The following CCDC33 variants were observed in gnomAD, a reference collection of about 807,000 sequenced individuals.
CCDC33 encodes coiled-coil domain-containing protein 33.
A neutral mutation model predicts 91.9 loss-of-function variants in CCDC33; 94 were observed. That is an observed-to-expected ratio of 1.02 (90% CI 0.87 to 1.21). CCDC33 has a LOEUF of 1.21. CCDC33 is among the 50% of genes most tolerant of loss of function. CCDC33 has a pLI of 0.00. For synonymous variants in CCDC33, 396 were observed against 374.5 expected (o/e 1.06, Z -0.66); for missense variants, 940 against 935.5 (o/e 1.00, Z -0.06).
intron 15 of CCDC33, among the ~76,000 whole-genome samples, 172 bp downstream of exon 15, chr15:74,331,468 C>T (rs545129873): frequency 2.0e-5 from 3 of 152,294 alleles, no homozygotes; most frequent in African/African-American, 2.4e-5. Flanking sequence ...CTCATTCAGG[C>T]GCCCCATCCA....
At position 74,332,856 on chromosome 15, in the gene CCDC33, C is replaced by T. The variant is rs189507122; in HGVS notation, c.1938+11C>T. ...CAACAGGCCCTGCCGGTAAGAGGCC[C>T]TTGACCTGGGCCTGCCTATGCCGGT... is the stretch of plus-strand genomic sequence containing the variant. On this transcript the variant is annotated intron_variant, in intron 16 of 18. Transcript: ENST00000398814. The T allele has an allele frequency of 5.4e-5, 87 of 1,612,860 alleles. No homozygotes were observed. Among genetic ancestry groups the T allele is most frequent in the East Asian group, 1.8e-4 (8 of 44,854 alleles).
At chr15:74,333,857 T>C (rs894349632) in intron 16 of CCDC33, 24 bp from the exon 17 acceptor site, 2 of 1,602,168 alleles carry the variant, frequency 1.2e-6, no homozygotes, top group Non-Finnish European at 1.7e-6. Flanking sequence ...TGGGGCCAAA[T>C]GTGAGTTTGT....
chr15:74,261,069 A>T (rs752013663), intron 2 of CCDC33, among the ~76,000 whole-genome samples: 1 of 152,194 alleles, frequency 6.6e-6, no homozygotes, highest in Non-Finnish European at 1.5e-5. Flanking sequence ...CACGGGGTAG[A>T]GCTGGGATTT....
intron 11 of CCDC33, among the ~76,000 whole-genome samples, chr15:74,297,157 G>A (rs1029590544): frequency 6.6e-6 from 1 of 152,238 alleles, no homozygotes; most frequent in South Asian, 2.1e-4. Context: ...CCACCCTGGA[G>A]CAGGGCCATC....
In CCDC33 at chr15:74,267,361, G is replaced by T. The variant is rs1002644646; in HGVS notation, c.429+574G>T. Among the ~76,000 whole-genome samples, 4 of 152,182 alleles carry T rather than the reference G, an allele frequency of 2.6e-5. 1 individual carries two copies. The highest frequency in any genetic ancestry group is 2.0e-4 in the Admixed American group (3 of 15,284). On this transcript the variant is annotated intron_variant, in intron 4 of 18. Coordinates refer to ENST00000398814, the MANE Select transcript of CCDC33 (RefSeq NM_025055.5). Reference sequence around the variant, plus strand: ...CCAGAAGGCCCAGGAGAGTTGGGGGGTACATGGAATAAAGCATTCCCTGGA... The same window carrying T: ...CCAGAAGGCCCAGGAGAGTTGGGGGTTACATGGAATAAAGCATTCCCTGGA...
intron 2 of CCDC33, among the ~76,000 whole-genome samples, chr15:74,254,541 C>G (rs1244741348): frequency 6.6e-6 from 1 of 152,146 alleles, no homozygotes; most frequent in Non-Finnish European, 1.5e-5. Context: ...CTCCCAATGG[C>G]TGTGCATCCT....
At chr15:74,233,475 T>G (rs1020028338), upstream of CCDC33, among the ~76,000 whole-genome samples, 1 of 152,160 alleles carries the variant, frequency 6.6e-6, no homozygotes, top group Non-Finnish European at 1.5e-5. Flanking sequence ...TGACCTCATA[T>G]AAGTTATGAG....
chr15:74,290,240 T>C (rs992364543), intron 10 of CCDC33, among the ~76,000 whole-genome samples: 8 of 151,350 alleles, frequency 5.3e-5, no homozygotes, highest in Non-Finnish European at 1.2e-4. Context: ...CACAATAGCA[T>C]GATCTCGGCT....
At chr15:74,233,238 G>A (rs142020477), upstream of CCDC33, among the ~76,000 whole-genome samples, 10 of 152,314 alleles carry the variant, frequency 6.6e-5, no homozygotes, top group African/African-American at 2.4e-4. Context: ...GAAACATGAG[G>A]CAGGGGCGTG....
At chr15:74,273,029 T>C (rs1566988645) in intron 7 of CCDC33, 138 bp downstream of exon 7, 1 of 1,179,044 alleles carries the variant, frequency 8.5e-7, no homozygotes, top group Non-Finnish European at 1.2e-6. Flanking sequence ...CCCAGTGCTG[T>C]GCTCGCCTGT....
intron 4 of CCDC33, among the ~76,000 whole-genome samples, chr15:74,267,817 A>C (rs553883413): frequency 6.6e-6 from 1 of 152,296 alleles, no homozygotes; most frequent in South Asian, 2.1e-4. Flanking sequence ...GGCATACAGT[A>C]GGTGCTCAGT....
chr15:74,245,022 G>A (rs184566761), intron 2 of CCDC33, among the ~76,000 whole-genome samples: 24 of 152,234 alleles, frequency 1.6e-4, no homozygotes, highest in Non-Finnish European at 1.5e-5. Flanking sequence ...ACTCACCAAT[G>A]CCTGCTGAAA....
downstream of CCDC33, chr15:74,336,190 C>T (rs1428257680): frequency 6.9e-7 from 1 of 1,442,320 alleles, no homozygotes; most frequent in Non-Finnish European, 9.1e-7. Context: ...CCTGCTTCCT[C>T]CTCCTAGACC....
chr15:74,242,298 G>A (rs2075373701), intron 1 of CCDC33, among the ~76,000 whole-genome samples: 1 of 152,186 alleles, frequency 6.6e-6, no homozygotes, highest in African/African-American at 2.4e-5. Context: ...TACCTCTCCT[G>A]ACACTCAGGG....
chr15:74,203,514 G>A (rs1383722319), intron 1 of CCDC33, among the ~76,000 whole-genome samples: 1 of 152,380 alleles, frequency 6.6e-6, no homozygotes, highest in Non-Finnish European at 1.5e-5. Flanking sequence ...CCCTAAAACT[G>A]TGAGGGTCTC....
intron 2 of CCDC33, among the ~76,000 whole-genome samples, chr15:74,250,833 GA>G (rs1264556222): frequency 6.6e-6 from 1 of 152,218 alleles, no homozygotes; most frequent in Non-Finnish European, 1.5e-5. Flanking sequence ...TTCAATGCCT[GA>G]AAACCTCACC....
chr15:74,207,615 G>T (rs351222), intron 1 of CCDC33: 74 of 1,334,286 alleles, frequency 5.5e-5, no homozygotes, highest in Non-Finnish European at 7.4e-5. Context: ...TCAAACCTCA[G>T]GTACACCCCC....
At chr15:74,217,447 C>T (rs776001414) in exon 1 of CCDC33, 2 of 1,289,790 alleles carry the variant, frequency 1.6e-6, no homozygotes, top group South Asian at 2.5e-5. Context: ...GGCTCTGGGG[C>T]TGGGGTGCAG....
At chr15:74,231,157 G>A (rs1374902209) in intron 2 of CCDC33, among the ~76,000 whole-genome samples, 1 of 152,208 alleles carries the variant, frequency 6.6e-6, no homozygotes, top group Non-Finnish European at 1.5e-5. Context: ...AGAGCCTCCA[G>A]GATCCCACCC....
Sources: gnomAD v4.1 joint callset for allele counts (sites outside exome capture counted in the v4.1 genomes callset) on GRCh38, gnomAD v4.1.1 for gene constraint, MANE v1.5 for transcripts, NCBI Gene and HGNC (gene_info 2026-07-23, HGNC 2026-07-21) for gene names.